GRHL2: variants seen among roughly 807,000 people sequenced by gnomAD.
GRHL2 encodes grainyhead like transcription factor 2.
Under a neutral mutation model 83.8 loss-of-function variants are expected in GRHL2, and 21 were observed. That is an observed-to-expected ratio of 0.25 (90% CI 0.18 to 0.36). GRHL2 has a LOEUF of 0.36. Ranked by LOEUF, GRHL2 falls within the 10% of genes least tolerant of loss-of-function variation. The pLI is 1.00. For synonymous variants in GRHL2, 280 were observed against 278.9 expected (o/e 1.00, Z -0.04); for missense variants, 623 against 781.8 (o/e 0.80, Z 2.42).
At chr8:101,558,344 T>G in intron 3 of GRHL2, 75 bp from the exon 4 acceptor site, 3 of 1,529,092 alleles carry the variant, frequency 2.0e-6, no homozygotes, top group Non-Finnish European at 2.7e-6. Flanking sequence ...ATTGCCTGCA[T>G]TGGTTATTCT....
At chr8:101,619,221 C>G (rs1183166531) in intron 8 of GRHL2, among the ~76,000 whole-genome samples, 1 of 151,952 alleles carries the variant, frequency 6.6e-6, no homozygotes, top group Non-Finnish European at 1.5e-5. Flanking sequence ...CCACTGCACT[C>G]CAGCCTGGGC....
At chr8:101,493,047 A>C (rs943930724) in intron 1 of GRHL2, among the ~76,000 whole-genome samples, 1 of 152,022 alleles carries the variant, frequency 6.6e-6, no homozygotes, top group Admixed American at 6.5e-5. Flanking sequence ...TTCTTCCCTT[A>C]GGAATGGTCT....
chr8:101,635,884 G>A (rs1302681538), intron 11 of GRHL2, among the ~76,000 whole-genome samples: 1 of 152,178 alleles, frequency 6.6e-6, no homozygotes, highest in East Asian at 1.9e-4. Context: ...GTCTAGGCTT[G>A]GCAGCATCCC....
intron 6 of GRHL2, among the ~76,000 whole-genome samples, chr8:101,575,257 C>T (rs1461688439): frequency 1.3e-5 from 2 of 151,480 alleles, no homozygotes; most frequent in African/African-American, 4.9e-5. Flanking sequence ...AACTCATATA[C>T]ACCCTCTTAA....
intron 8 of GRHL2, among the ~76,000 whole-genome samples, chr8:101,610,902 G>A (rs1222766814): frequency 6.6e-6 from 1 of 150,910 alleles, no homozygotes; most frequent in Non-Finnish European, 1.5e-5. Context: ...AGAAGATGGT[G>A]AACTAATGTT....
downstream of GRHL2, among the ~76,000 whole-genome samples, chr8:101,673,599 C>T (rs189030952): frequency 6.6e-5 from 10 of 150,916 alleles, no homozygotes; most frequent in Admixed American, 2.0e-4. Flanking sequence ...AAAGAGACTT[C>T]GACTCCCACA....
At chr8:101,586,900 T>C (rs1166353155) in intron 7 of GRHL2, among the ~76,000 whole-genome samples, 1 of 152,236 alleles carries the variant, frequency 6.6e-6, no homozygotes, top group Non-Finnish European at 1.5e-5. Flanking sequence ...ATGCCTTTAG[T>C]ACTTCCATTT....
rs529376870 is a variant in GRHL2, at chr8:101,648,605, C to T, written c.1613-809C>T. 7.9e-5 allele frequency among the ~76,000 whole-genome samples: 12 copies of T among 152,272 alleles called. No individual in the cohort carries two copies. The East Asian group carries it at 1.9e-3, about 25-fold the overall frequency. ...GCTCGGAGAGTTTAAATGAACAAGG[C>T]CCACAGCAGGGGTTGCACTCTGGGG... On this transcript the variant is annotated intron_variant, in intron 13 of 15. Coordinates refer to ENST00000646743, the MANE Select transcript of GRHL2 (RefSeq NM_024915.4).
intron 13 of GRHL2, among the ~76,000 whole-genome samples, chr8:101,645,414 G>T (rs2129675672): frequency 6.6e-6 from 1 of 152,220 alleles, no homozygotes; most frequent in Admixed American, 6.5e-5. Flanking sequence ...GACTTTTAAT[G>T]AGTCAGTTCA....
At chr8:101,620,453 A>G (rs1812942403) in intron 9 of GRHL2, among the ~76,000 whole-genome samples, 1 of 152,220 alleles carries the variant, frequency 6.6e-6, no homozygotes, top group African/African-American at 2.4e-5. Flanking sequence ...GACCTCATCT[A>G]GGACTTTTTG....
rs115373635 is a variant in GRHL2 at position 101,627,599 on chromosome 8, A to G, written c.1258-4038A>G. 4.2e-3 allele frequency among the ~76,000 whole-genome samples: 636 copies of G among 152,232 alleles called. 5 individuals carry two copies. Among genetic ancestry groups the G allele is most frequent in the African/African-American group, 0.014 (592 of 41,560 alleles). On this transcript the variant is annotated intron_variant, in intron 9 of 15. Coordinates refer to ENST00000646743, the MANE Select transcript of GRHL2 (RefSeq NM_024915.4). ...CCTGAGTGTTCAAGTGAAAGGAACA[A>G]TTGCATCTCTTTCACTTTAATCAGA... is the stretch of plus-strand genomic sequence containing the variant.
intron 11 of GRHL2, among the ~76,000 whole-genome samples, chr8:101,633,531 C>A (rs1813228921): frequency 6.6e-6 from 1 of 152,174 alleles, no homozygotes; most frequent in African/African-American, 2.4e-5. Context: ...TGAGACAGAG[C>A]AACTCTACAA....
chr8:101,649,484 G>A lies in GRHL2; in HGVS notation c.1683G>A (p.Lys561=). 3 of 1,613,474 alleles carry A rather than the reference G, an allele frequency of 1.9e-6. No homozygotes were observed. The highest frequency in any genetic ancestry group is 2.5e-6 in the Non-Finnish European group (3 of 1,179,494). The change falls in exon 14 of 16, where the codon AAG becomes AAA. Residue 561 remains lysine (K), a synonymous_variant. Transcript: ENST00000646743. ...DALMLKSPTV[K]GLMEAISEKY... ...TGATGTTGAAGTCTCCCACAGTGAA[G>A]GGCCTGATGGAAGCGGTAAGCCATA...
At chr8:101,657,746 A>G (rs1342156618) in intron 14 of GRHL2, among the ~76,000 whole-genome samples, 1 of 151,814 alleles carries the variant, frequency 6.6e-6, no homozygotes, top group Non-Finnish European at 1.5e-5. Flanking sequence ...AGGCTGAGGC[A>G]GGAGAATGGT....
At chr8:101,584,001 T>C (rs1221178257) in intron 7 of GRHL2, among the ~76,000 whole-genome samples, 3 of 152,218 alleles carry the variant, frequency 2.0e-5, no homozygotes, top group African/African-American at 7.2e-5. Flanking sequence ...CAGGTTGTGA[T>C]GTAGTGAGCC....
At chr8:101,593,614 G>A (rs1812330233) in intron 7 of GRHL2, among the ~76,000 whole-genome samples, 1 of 152,036 alleles carries the variant, frequency 6.6e-6, no homozygotes, top group Non-Finnish European at 1.5e-5. Context: ...AGGTTGAGTG[G>A]GACCCTCAAA....
chr8:101,633,534 C>G lies in GRHL2; in HGVS notation c.1485+1169C>G, dbSNP rs558379421. On this transcript the variant is annotated intron_variant, in intron 11 of 15. Coordinates refer to ENST00000646743, the MANE Select transcript of GRHL2 (RefSeq NM_024915.4). Reference sequence around the variant, plus strand: ...TTATTAGATTCATGAGACAGAGCAACTCTACAACCACGGCTTTTTTGTTGT... The same window carrying G: ...TTATTAGATTCATGAGACAGAGCAAGTCTACAACCACGGCTTTTTTGTTGT... Among the ~76,000 whole-genome samples, 53 of 152,320 alleles carry G rather than the reference C, an allele frequency of 3.5e-4. No individual in the cohort carries two copies. In the South Asian group the frequency reaches 0.011, roughly 30 times the overall value.
intron 8 of GRHL2, 59 bp from the exon 9 acceptor site, chr8:101,619,480 C>A: frequency 4.7e-6 from 7 of 1,483,286 alleles, no homozygotes; most frequent in African/African-American, 1.4e-5. Context: ...AAAGTTTATG[C>A]GTTTATTGTA....
chr8:101,590,876 G>T (rs922478071), intron 7 of GRHL2, among the ~76,000 whole-genome samples: 1 of 152,092 alleles, frequency 6.6e-6, no homozygotes, highest in Admixed American at 6.5e-5. Flanking sequence ...GACAGAATCC[G>T]CACCTTTCAG....
Sources: gnomAD v4.1 joint callset for allele counts (sites outside exome capture counted in the v4.1 genomes callset) on GRCh38, gnomAD v4.1.1 for gene constraint, MANE v1.5 for transcripts, NCBI Gene and HGNC (gene_info 2026-07-23, HGNC 2026-07-21) for gene names.